Variants in PCDHGB6 observed in about 807,000 individuals in gnomAD.
PCDHGB6 encodes protocadherin gamma-B6.
In PCDHGB6, 51 loss-of-function variants were observed where a neutral mutation model predicts 59.1. The observed-to-expected ratio is 0.86, with a 90% CI of 0.69 to 1.09. PCDHGB6 has a LOEUF of 1.09. PCDHGB6 is among the 50% of genes least tolerant of loss of function. The pLI, the probability that PCDHGB6 is intolerant of heterozygous loss-of-function variation, is 0.00. For missense variants in PCDHGB6, 1,148 were observed against 1,205.1 expected (o/e 0.95, Z 0.70); for synonymous variants, 466 against 495.1 (o/e 0.94, Z 0.78).
intron 2 of PCDHGB6, among the ~76,000 whole-genome samples, chr5:141,495,912 CTT>C (rs1210428397): frequency 6.6e-6 from 1 of 152,140 alleles, no homozygotes; most frequent in Admixed American, 6.6e-5. Flanking sequence ...CTCTGTATAT[CTT>C]TCTTTGTCTC....
chr5:141,431,320 C>T lies in PCDHGB6; in HGVS notation c.2418+20700C>T. On this transcript the variant is annotated intron_variant, in intron 1 of 3. Coordinates refer to ENST00000520790, the MANE Select transcript of PCDHGB6 (RefSeq NM_018926.3). The surrounding 1 kb of genome is among the most constrained non-coding windows in gnomAD (Gnocchi z 4.8). ...CCCTCATCGTGCAAAATGGAGCCGA[C>T]GGTAGTAAGTACCCCGAATTGGTGC... is the stretch of plus-strand genomic sequence containing the variant. 1 of 1,614,102 alleles carries T rather than the reference C, an allele frequency of 6.2e-7. No homozygotes were observed. Among genetic ancestry groups the T allele is most frequent in the Non-Finnish European group, 8.5e-7 (1 of 1,180,038 alleles).
intron 1 of PCDHGB6, chr5:141,415,868 G>A: frequency 9.2e-7 from 1 of 1,090,360 alleles, no homozygotes; most frequent in Non-Finnish European, 1.2e-6. Flanking sequence ...TTATAGTGTT[G>A]TTGAGTACAA....
At chr5:141,423,679 C>T in intron 1 of PCDHGB6, 2 of 1,487,594 alleles carry the variant, frequency 1.3e-6, no homozygotes, top group South Asian at 1.3e-5. Context: ...TATTTCTCTG[C>T]CTCCTAATTG....
At chr5:141,494,099 C>T (rs976610819) in intron 1 of PCDHGB6, among the ~76,000 whole-genome samples, 3 of 152,172 alleles carry the variant, frequency 2.0e-5, no homozygotes, top group South Asian at 2.1e-4. Context: ...CATTTTTCTC[C>T]GTCTCAGACA....
chr5:141,468,651 G>C (rs2099171216), intron 1 of PCDHGB6: 1 of 152,018 alleles, frequency 6.6e-6, no homozygotes, highest in African/African-American at 2.4e-5. Context: ...CGGATCACAA[G>C]GTCAGGAGAT....
In PCDHGB6 at chr5:141,490,673, C is replaced by T; in HGVS notation, c.2419-4134C>T. ...GGCTCCCTTCTTTGCACTGTGGCTG[C>T]CTCAGATCCAGACACTGGGGATAAT... On this transcript the variant is annotated intron_variant, in intron 1 of 3. Coordinates refer to ENST00000520790, the MANE Select transcript of PCDHGB6 (RefSeq NM_018926.3). This position sits in a 1 kb window ranked among gnomAD's most constrained non-coding sequence, Gnocchi z 5.4. 1.2e-6 allele frequency: 2 copies of T among 1,614,126 alleles called. No homozygotes were observed. The highest frequency in any genetic ancestry group is 1.7e-6 in the Non-Finnish European group (2 of 1,179,952).
intron 2 of PCDHGB6, 164 bp downstream of exon 2, chr5:141,495,029 G>A: frequency 2.1e-6 from 2 of 968,864 alleles, no homozygotes; most frequent in Non-Finnish European, 2.5e-6. Flanking sequence ...ACAGACCCCG[G>A]AAGGAAGAGG....
At chr5:141,478,087 C>T in intron 1 of PCDHGB6, 1 of 1,614,134 alleles carries the variant, frequency 6.2e-7, no homozygotes, top group East Asian at 2.2e-5. Flanking sequence ...CTTCGCTCTC[C>T]ACCACTGCTA....
intron 1 of PCDHGB6, among the ~76,000 whole-genome samples, chr5:141,455,830 C>T (rs928219545): frequency 2.0e-5 from 3 of 151,170 alleles, no homozygotes; most frequent in African/African-American, 7.3e-5. Flanking sequence ...GACCCCTTTT[C>T]CTGTCTATCT....
chr5:141,482,288 C>G (rs1413786764), intron 1 of PCDHGB6, among the ~76,000 whole-genome samples: 1 of 152,078 alleles, frequency 6.6e-6, no homozygotes, highest in Non-Finnish European at 1.5e-5. Context: ...GTCTTTTAAT[C>G]TCTTTAAACT....
intron 1 of PCDHGB6, among the ~76,000 whole-genome samples, chr5:141,483,084 C>CA (rs898059463): frequency 8.0e-5 from 12 of 150,326 alleles, no homozygotes; most frequent in Admixed American, 2.0e-4. Context: ...GACTCCATCT[C>CA]AAAAAAAAAG....
intron 2 of PCDHGB6, among the ~76,000 whole-genome samples, chr5:141,499,015 AG>A (rs2099788530): frequency 6.6e-6 from 1 of 151,284 alleles, no homozygotes; most frequent in Non-Finnish European, 1.5e-5. Context: ...GAAGGAAGGA[AG>A]GAAGGAAGGA....
intron 1 of PCDHGB6, among the ~76,000 whole-genome samples, chr5:141,446,777 CT>C (rs1480571336): frequency 6.6e-6 from 1 of 152,072 alleles, no homozygotes; most frequent in South Asian, 2.1e-4. Context: ...GGTTACCATT[CT>C]TTTACTCTGA....
chr5:141,495,721 G>A (rs2099763243), intron 2 of PCDHGB6, among the ~76,000 whole-genome samples: 1 of 152,100 alleles, frequency 6.6e-6, no homozygotes, highest in Non-Finnish European at 1.5e-5. Context: ...TAACTACACG[G>A]GACCCTTAGT....
chr5:141,417,663 C>T (rs2096144136), intron 1 of PCDHGB6: 8 of 901,900 alleles, frequency 8.9e-6, no homozygotes, highest in Non-Finnish European at 1.3e-5. Flanking sequence ...CCTGGGATTC[C>T]CTGCGCAGCC....
At chr5:141,462,996 G>A (rs2099050826) in intron 1 of PCDHGB6, among the ~76,000 whole-genome samples, 1 of 152,082 alleles carries the variant, frequency 6.6e-6, no homozygotes, top group South Asian at 2.1e-4. Flanking sequence ...GGCTAATTTA[G>A]ACCTACCACT....
Position 141,489,764 on chromosome 5 carries a change from A to G in PCDHGB6, c.2419-5043A>G. ...GTGAGCTTTTACACTCTAAGCCCCA[A>G]CAGCCACTTCTCTCTGAATGTGAAG... is the stretch of plus-strand genomic sequence containing the variant. On this transcript the variant is annotated intron_variant, in intron 1 of 3. Transcript: ENST00000520790. The surrounding 1 kb of genome is among the most constrained non-coding windows in gnomAD (Gnocchi z 4.5). 2 of 1,613,556 alleles carry G rather than the reference A, an allele frequency of 1.2e-6. No homozygotes were observed. The highest frequency in any genetic ancestry group is 1.7e-6 in the Non-Finnish European group (2 of 1,179,894).
At chr5:141,415,114 G>C (rs186848544) in intron 1 of PCDHGB6, 1 of 1,613,648 alleles carries the variant, frequency 6.2e-7, no homozygotes, top group Non-Finnish European at 8.5e-7. Flanking sequence ...GCAAAGCCTC[G>C]TAGTGGCCGT....
rs1012028735 is a variant in PCDHGB6 at position 141,413,666 on chromosome 5, C to T, written c.2418+3046C>T. 4 of 1,613,666 alleles carry T rather than the reference C, an allele frequency of 2.5e-6. No individual in the cohort carries two copies. In the African/African-American group the frequency reaches 5.3e-5, roughly 22 times the overall value. On this transcript the variant is annotated intron_variant, in intron 1 of 3. Coordinates refer to ENST00000520790, the MANE Select transcript of PCDHGB6 (RefSeq NM_018926.3). ...TTTCCTCTCCCGGAAGCTATTGATC[C>T]GGATGTGGGCGTGAACTCCCTGCAG... is the stretch of plus-strand genomic sequence containing the variant.
Sources: allele counts gnomAD v4.1 joint callset (sites outside exome capture counted in the v4.1 genomes callset), GRCh38; gene constraint gnomAD v4.1.1; non-coding constraint Gnocchi (gnomAD v3.1); transcripts MANE v1.5; gene names NCBI Gene and HGNC (gene_info 2026-07-23, HGNC 2026-07-21).